SIM2: variants seen among roughly 807,000 people sequenced by gnomAD.
SIM2 encodes the protein single-minded homolog 2.
Under a neutral mutation model 64.8 loss-of-function variants are expected in SIM2, and 28 were observed. The ratio of observed to expected loss-of-function variants is 0.43; its 90% CI spans 0.32 to 0.59. SIM2 has a LOEUF of 0.59. SIM2 is among the 20% of genes least tolerant of loss of function. SIM2 has a pLI of 0.07. For synonymous variants in SIM2, 408 were observed against 391.1 expected, an observed-to-expected ratio of 1.04 and a Z score of -0.51; for missense variants, 847 against 871.4, an observed-to-expected ratio of 0.97 and a Z score of 0.35.
Position 36,709,282 on chromosome 21 carries a change from C to A in SIM2, c.258+32C>A, listed in dbSNP as rs768078538. ...CGGCCTCGCCGGGGGAGGAGCGCAG[C>A]CGCCGCAGGCTCCCTTCCCACCCCG... On this transcript the variant is annotated intron_variant, in intron 2 of 10. Transcript: ENST00000290399. The A allele has an allele frequency of 8.6e-6, 13 of 1,520,310 alleles. No homozygotes were observed. In the South Asian group the frequency reaches 1.3e-4, roughly 15 times the overall value. 94.2% of individuals were successfully genotyped at this position (1,520,310 alleles called of 1,614,324 possible).
At position 36,709,422 on chromosome 21, in the gene SIM2, A is replaced by C. The variant is rs529305469; in HGVS notation, c.258+172A>C. The C allele has an allele frequency of 8.4e-6, 6 of 713,138 alleles. No individual in the cohort carries two copies. The East Asian group carries it at 1.6e-4, about 19-fold the overall frequency. The allele number at this position is 713,138 out of a possible 1,614,324, so 44.2% of individuals were successfully genotyped here. A position where few individuals can be genotyped will look rare whatever the true frequency, so the allele number is the denominator to read the frequency against. ...GAGGGATGGACGCTTAGCATGTCGG[A>C]TGCGGCCTGCGGCCAACCCTACCCT... On this transcript the variant is annotated intron_variant, in intron 2 of 10. Transcript: ENST00000290399.
intron 9 of SIM2, 80 bp from the exon 10 acceptor site, chr21:36,744,648 C>A: frequency 6.8e-7 from 1 of 1,480,402 alleles, no homozygotes; most frequent in Non-Finnish European, 9.0e-7. Context: ...TGGGCCCCGT[C>A]GGGACGGTTC....
intron 4 of SIM2, among the ~76,000 whole-genome samples, chr21:36,722,576 G>T (rs2088836914): frequency 2.0e-5 from 3 of 152,186 alleles, no homozygotes; most frequent in African/African-American, 7.2e-5. Flanking sequence ...GCCTGCAAAA[G>T]CAAAGTGAGT....
At chr21:36,744,361 A>C (rs2089201248) in intron 9 of SIM2, among the ~76,000 whole-genome samples, 3 of 138,840 alleles carry the variant, frequency 2.2e-5, no homozygotes, top group South Asian at 2.7e-4. Context: ...GGAGGGAGGG[A>C]GGGAAGGAAA....
chr21:36,713,776 C>G (rs986661816), intron 3 of SIM2, among the ~76,000 whole-genome samples: 1 of 152,216 alleles, frequency 6.6e-6, no homozygotes, highest in African/African-American at 2.4e-5. Context: ...TTACATCCTT[C>G]TCTTCTGATG....
At chr21:36,730,525 G>C (rs1194195194) in intron 6 of SIM2, among the ~76,000 whole-genome samples, 1 of 152,182 alleles carries the variant, frequency 6.6e-6, no homozygotes, top group Admixed American at 6.5e-5. Flanking sequence ...TTGGGATCAT[G>C]GAAAGCTCTG....
chr21:36,701,778 A>G (rs1371701367), intron 1 of SIM2, among the ~76,000 whole-genome samples: 1 of 152,196 alleles, frequency 6.6e-6, no homozygotes, highest in East Asian at 1.9e-4. Flanking sequence ...AATTAAAAGA[A>G]CATTCGGTTT....
chr21:36,748,779 A>G lies in SIM2; in HGVS notation c.*687A>G, dbSNP rs1268782129. Reference sequence around the variant, plus strand: ...AAGCTCTTACTTCCCCCTAACCCCTATGAACTCTTGATAACACCAAGAGTA... The same window carrying G: ...AAGCTCTTACTTCCCCCTAACCCCTGTGAACTCTTGATAACACCAAGAGTA... On this transcript the variant is annotated 3_prime_UTR_variant, in exon 11 of 11. Coordinates refer to ENST00000290399, the MANE Select transcript of SIM2 (RefSeq NM_005069.6). The G allele has an allele frequency of 6.6e-6, 1 of 152,614 alleles. No individual in the cohort carries two copies. Among genetic ancestry groups the G allele is most frequent in the African/African-American group, 2.4e-5 (1 of 41,446 alleles). 9.5% of individuals were successfully genotyped at this position (152,614 alleles called of 1,614,324 possible).
At chr21:36,703,329 C>A (rs2088532593) in intron 1 of SIM2, among the ~76,000 whole-genome samples, 1 of 152,188 alleles carries the variant, frequency 6.6e-6, no homozygotes, top group Admixed American at 6.5e-5. Flanking sequence ...TCATGCAGCG[C>A]TACTCGGCCT....
rs974110908 is a variant in SIM2 at position 36,747,435 on chromosome 21, TAAC to T, written c.1577-228_1577-226del. The stretch of plus-strand genomic sequence containing the variant: ...ATATGCTGCATTAACGTGTATTACT[TAAC>T]AGGCATTCCACCTGTTTCCCTGCTT... On this transcript the variant is annotated intron_variant, in intron 10 of 10. Coordinates refer to ENST00000290399, the MANE Select transcript of SIM2 (RefSeq NM_005069.6). The surrounding 1 kb of genome is among the most constrained non-coding windows in gnomAD (Gnocchi z 4.5). Among the ~76,000 whole-genome samples, 1 of 152,206 alleles carries T rather than the reference TAAC, an allele frequency of 6.6e-6. No individual in the cohort carries two copies. The highest frequency in any genetic ancestry group is 1.5e-5 in the Non-Finnish European group (1 of 68,032).
rs778130813 is a variant in SIM2 at position 36,745,060 on chromosome 21, C to T, written c.1500C>T (p.Ser500=). 2.5e-6 allele frequency: 4 copies of T among 1,613,622 alleles called. No individual in the cohort carries two copies. Among genetic ancestry groups the T allele is most frequent in the Non-Finnish European group, 3.4e-6 (4 of 1,179,570 alleles). ...ATTATGCCAACCCCCTAGTGCCTAG[C>T]AGCTCGTCTCCAGCTAAAAATCCTC... ...QWHYANPLVP[S]SSSPAKNPPE... Residue 500 remains serine, a synonymous_variant, in exon 10 of 11, where the codon AGC becomes AGT. Transcript: ENST00000290399. The surrounding 1 kb of genome is among the most constrained non-coding windows in gnomAD (Gnocchi z 4.8).
intron 1 of SIM2, among the ~76,000 whole-genome samples, chr21:36,704,020 T>C (rs2088543518): frequency 1.3e-5 from 2 of 152,222 alleles, no homozygotes; most frequent in African/African-American, 4.8e-5. Flanking sequence ...CATCTCCCTT[T>C]CCCCAACCCG....
chr21:36,717,328 A>G (rs2088760124), intron 3 of SIM2, among the ~76,000 whole-genome samples: 1 of 152,186 alleles, frequency 6.6e-6, no homozygotes, highest in Non-Finnish European at 1.5e-5. Context: ...TTTCCCTGAA[A>G]ACATGGGGAA....
chr21:36,746,058 G>C lies in SIM2; in HGVS notation c.1576+922G>C, dbSNP rs921841896. On this transcript the variant is annotated intron_variant, in intron 10 of 10. Transcript: ENST00000290399. ...AGGCCGGGCTCAGTGGCTCACACCT[G>C]TAATCCCAGCACTTTGGGAGGCCAA... is the stretch of plus-strand genomic sequence containing the variant. 104 of 1,055,094 alleles carry C rather than the reference G, an allele frequency of 9.9e-5. No individual in the cohort carries two copies. The African/African-American group carries it at 1.6e-3, about 16-fold the overall frequency. 65.4% of individuals were successfully genotyped at this position (1,055,094 alleles called of 1,614,324 possible). A position where few individuals can be genotyped will look rare whatever the true frequency, so the allele number is the denominator to read the frequency against.
intron 1 of SIM2, among the ~76,000 whole-genome samples, chr21:36,707,973 G>GTTCCTGGGGTGGGGAGAGGGCAT (rs780782783): frequency 6.6e-6 from 1 of 151,098 alleles, no homozygotes; most frequent in African/African-American, 2.4e-5. Context: ...GCCTGGCCCA[G>GTTCCTGGGGTGGGGAGAGGGCAT]CGTGGGTTGG....
At chr21:36,719,104 C>T (rs932108664) in intron 3 of SIM2, among the ~76,000 whole-genome samples, 11 of 152,190 alleles carry the variant, frequency 7.2e-5, no homozygotes, top group African/African-American at 1.2e-4. Flanking sequence ...CCCCATATAA[C>T]GTGGCTCTCT....
chr21:36,745,099 G>C lies in SIM2; in HGVS notation c.1539G>C (p.Ala513=), dbSNP rs768140573. ...CTAAAAATCCTCCAGAGCCACCGGC[G>C]AACACTGCTAGGCACAGCCTGGTGC... The part of the protein sequence containing the change: ...SPAKNPPEPP[A]NTARHSLVPS... Residue 513 remains alanine, a synonymous_variant, in exon 10 of 11, where the codon GCG becomes GCC. Transcript: ENST00000290399. The surrounding 1 kb of genome is among the most constrained non-coding windows in gnomAD (Gnocchi z 4.8). 6.2e-7 allele frequency: 1 copy of C among 1,612,474 alleles called. No individual in the cohort carries two copies. The highest frequency in any genetic ancestry group is 2.2e-5 in the East Asian group (1 of 44,836).
At chr21:36,701,833 G>C (rs2088502887) in intron 1 of SIM2, among the ~76,000 whole-genome samples, 1 of 152,210 alleles carries the variant, frequency 6.6e-6, no homozygotes, top group African/African-American at 2.4e-5. Context: ...TGGTTTGCTG[G>C]GAAGAGCCGT....
intron 7 of SIM2, among the ~76,000 whole-genome samples, chr21:36,739,903 A>G (rs1242405214): frequency 6.7e-5 from 5 of 74,504 alleles, no homozygotes; most frequent in African/African-American, 2.1e-4. Context: ...TGAACCCAGG[A>G]GGCAGGTTTC....
Sources: gnomAD v4.1 joint callset for allele counts (sites outside exome capture counted in the v4.1 genomes callset) on GRCh38, gnomAD v4.1.1 for gene constraint, Gnocchi (gnomAD v3.1) non-coding constraint, MANE v1.5 for transcripts, NCBI Gene and HGNC (gene_info 2026-07-23, HGNC 2026-07-21) for gene names.